SDK1: variants seen among roughly 807,000 people sequenced by gnomAD.
The protein encoded by SDK1 is sidekick cell adhesion molecule 1, also known as protein sidekick-1.
SDK1 carries 157 observed loss-of-function variants against 245.5 expected under a neutral mutation model. The ratio of observed to expected loss-of-function variants is 0.64; its 90% CI spans 0.56 to 0.73. SDK1 has a LOEUF of 0.73. Ranked by LOEUF, SDK1 falls within the 30% of genes least tolerant of loss-of-function variation. The pLI, the probability that SDK1 is intolerant of heterozygous loss-of-function variation, is 0.00. For missense variants in SDK1, 3,583 were observed against 3,002.3 expected (o/e 1.19, Z -4.52); for synonymous variants, 1,647 against 1,278.5 (o/e 1.29, Z -6.15).
At chr7:3,749,427 G>A (rs1779716155) in intron 4 of SDK1, among the ~76,000 whole-genome samples, 1 of 152,208 alleles carries the variant, frequency 6.6e-6, no homozygotes, top group Non-Finnish European at 1.5e-5. Flanking sequence ...AGCCTCCTGA[G>A]TAGCTGGGAT....
intron 32 of SDK1, among the ~76,000 whole-genome samples, chr7:4,166,840 GC>G (rs1373890486): frequency 2.0e-5 from 3 of 152,208 alleles, no homozygotes; most frequent in Non-Finnish European, 2.9e-5. Context: ...CTGCCCTGCT[GC>G]TCCCCTACCT....
rs761162264 is a variant in SDK1, at chr7:3,525,469, CTG to C, written c.299-93608_299-93607del. 3.0e-4 allele frequency among the ~76,000 whole-genome samples: 46 copies of C among 152,182 alleles called. 1 individual carries two copies. Among genetic ancestry groups the C allele is most frequent in the Non-Finnish European group, 5.3e-4 (36 of 68,016 alleles). Reference sequence around the variant, plus strand: ...ATAGTACATTTACTCCCCAAGTAGTCTGTGAGTGTGGTTGGTTAAGGTGGCTG... The same window carrying C: ...ATAGTACATTTACTCCCCAAGTAGTCTGAGTGTGGTTGGTTAAGGTGGCTG... On this transcript the variant is annotated intron_variant, in intron 1 of 44. Coordinates refer to ENST00000404826, the MANE Select transcript of SDK1 (RefSeq NM_152744.4).
chr7:3,847,551 C>A (rs569974794), intron 5 of SDK1, among the ~76,000 whole-genome samples: 1 of 152,220 alleles, frequency 6.6e-6, no homozygotes, highest in Admixed American at 6.5e-5. Flanking sequence ...AGCCGGCCTT[C>A]CTCCTCTTGC....
At chr7:3,308,487 T>C (rs961456290) in intron 1 of SDK1, among the ~76,000 whole-genome samples, 3 of 152,154 alleles carry the variant, frequency 2.0e-5, no homozygotes, top group Non-Finnish European at 4.4e-5. Flanking sequence ...ACTTTATTGA[T>C]ATACAGACAA....
chr7:3,422,966 A>G (rs1195296733), intron 1 of SDK1, among the ~76,000 whole-genome samples: 2 of 152,232 alleles, frequency 1.3e-5, no homozygotes, highest in Non-Finnish European at 2.9e-5. Flanking sequence ...TGGCTAATTT[A>G]TATACCTGTA....
rs1332695942 is a variant in SDK1 at position 4,237,662 on chromosome 7, C to T, written c.6008C>T (p.Pro2003Leu). The change falls in exon 42 of 45, where the codon CCA becomes CTA. Residue 2003 changes from proline (P) to leucine (L), a missense_variant. Coordinates refer to ENST00000404826, the MANE Select transcript of SDK1 (RefSeq NM_152744.4). Reference protein sequence around the residue: ...STAVSAQVEAPFYEEWWFLLV... With the variant: ...STAVSAQVEALFYEEWWFLLV... Reference sequence around the variant, plus strand: ...TTTTCCACAGCTCAAGTGGAAGCCCCATTCTACGAGGAGTGGTGGTTCCTC... The same window carrying T: ...TTTTCCACAGCTCAAGTGGAAGCCCTATTCTACGAGGAGTGGTGGTTCCTC... 6.2e-7 allele frequency: 1 copy of T among 1,614,156 alleles called. No individual in the cohort carries two copies. The highest frequency in any genetic ancestry group is 1.1e-5 in the South Asian group (1 of 91,088).
intron 4 of SDK1, among the ~76,000 whole-genome samples, chr7:3,652,053 T>C (rs1244313939): frequency 6.6e-6 from 1 of 152,226 alleles, no homozygotes; most frequent in Non-Finnish European, 1.5e-5. Flanking sequence ...GTTAGAAATA[T>C]TGGCCTCCGT....
In SDK1 at chr7:4,158,499, T is replaced by G. The variant is rs751221470; in HGVS notation, c.4677T>G (p.Ile1559Met). The G allele has an allele frequency of 6.2e-7, 1 of 1,613,668 alleles. No individual in the cohort carries two copies. The highest frequency in any genetic ancestry group is 2.2e-5 in the East Asian group (1 of 44,870). Reference sequence around the variant, plus strand: ...TGCGCCTGAAAGCCACCAACGACATTGGGGACAGTGACTTCAGTTCAGAGA... The same window carrying G: ...TGCGCCTGAAAGCCACCAACGACATGGGGGACAGTGACTTCAGTTCAGAGA... ...YKLRLKATND[I>M]GDSDFSSETE... is the part of the protein sequence containing the mutation. The change falls in exon 31 of 45, where the codon ATT becomes ATG. Residue 1559 changes from isoleucine (I) to methionine (M), a missense_variant. By Grantham distance (10) the Ile-to-Met change is conservative. Transcript: ENST00000404826.
At chr7:3,879,948 T>C (rs1390218313) in intron 5 of SDK1, among the ~76,000 whole-genome samples, 1 of 152,160 alleles carries the variant, frequency 6.6e-6, no homozygotes, top group Non-Finnish European at 1.5e-5. Flanking sequence ...TGCAGAATTT[T>C]AATCACTTGA....
intron 26 of SDK1, among the ~76,000 whole-genome samples, chr7:4,128,147 A>AGCAAT (rs1784513478): frequency 6.6e-6 from 1 of 152,130 alleles, no homozygotes; most frequent in South Asian, 2.1e-4. Flanking sequence ...TCCTTGGCTC[A>AGCAAT]GCAATGCCAA....
At chr7:3,472,438 G>C (rs1179150690) in intron 1 of SDK1, among the ~76,000 whole-genome samples, 1 of 151,988 alleles carries the variant, frequency 6.6e-6, no homozygotes, top group African/African-American at 2.4e-5. Context: ...CTAATTAGAG[G>C]GACAAGGCTA....
chr7:3,559,455 G>A (rs1272701180), intron 1 of SDK1, among the ~76,000 whole-genome samples: 1 of 152,134 alleles, frequency 6.6e-6, no homozygotes, highest in Non-Finnish European at 1.5e-5. Flanking sequence ...GCCAGAAAAT[G>A]GAGAAAGATG....
chr7:3,849,808 T>G (rs1436294409), intron 5 of SDK1, among the ~76,000 whole-genome samples: 1 of 152,232 alleles, frequency 6.6e-6, no homozygotes, highest in East Asian at 1.9e-4. Context: ...TCTGTGTAAC[T>G]TAGGTCTTTC....
chr7:3,326,692 T>C (rs1779948967), intron 1 of SDK1, among the ~76,000 whole-genome samples: 1 of 152,178 alleles, frequency 6.6e-6, no homozygotes, highest in African/African-American at 2.4e-5. Flanking sequence ...TATTTAATTT[T>C]TTATCATGGA....
intron 19 of SDK1, among the ~76,000 whole-genome samples, chr7:4,057,298 T>A (rs1372487896): frequency 6.6e-6 from 1 of 152,124 alleles, no homozygotes; most frequent in Non-Finnish European, 1.5e-5. Flanking sequence ...TCCAGGGCCC[T>A]GGGCTCACCC....
intron 1 of SDK1, among the ~76,000 whole-genome samples, chr7:3,486,339 C>T (rs908006493): frequency 2.0e-5 from 3 of 151,830 alleles, no homozygotes; most frequent in African/African-American, 7.3e-5. Context: ...AAAACTTAGC[C>T]AGTTTTATGG....
At chr7:3,821,806 C>T (rs1478128248) in intron 5 of SDK1, among the ~76,000 whole-genome samples, 10 of 151,862 alleles carry the variant, frequency 6.6e-5, no homozygotes, top group Non-Finnish European at 1.0e-4. Context: ...TTCTGAATGC[C>T]AGATCTTTTT....
At chr7:3,666,000 C>T (rs560543550) in intron 4 of SDK1, among the ~76,000 whole-genome samples, 1 of 152,292 alleles carries the variant, frequency 6.6e-6, no homozygotes, top group South Asian at 2.1e-4. Context: ...AGGGGGTTCA[C>T]TCTTTCTTCC....
At chr7:3,912,479 G>A (rs1031607712) in intron 5 of SDK1, among the ~76,000 whole-genome samples, 8 of 152,318 alleles carry the variant, frequency 5.3e-5, no homozygotes, top group Non-Finnish European at 1.2e-4. Context: ...TCTGTGAGGC[G>A]CTGAAGCAAG....
Sources: gnomAD v4.1 joint callset for allele counts (sites outside exome capture counted in the v4.1 genomes callset) on GRCh38, gnomAD v4.1.1 for gene constraint, MANE v1.5 for transcripts, NCBI Gene and HGNC (gene_info 2026-07-23, HGNC 2026-07-21) for gene names.